The following VWA8 variants were observed in gnomAD, a reference collection of about 807,000 sequenced individuals.
The protein encoded by VWA8 is von Willebrand factor A domain containing 8.
In VWA8, 221 loss-of-function variants were observed where a neutral mutation model predicts 241.5. The observed-to-expected ratio is 0.91, with a 90% CI of 0.82 to 1.02. The LOEUF (loss-of-function observed/expected upper bound fraction) is 1.02, where lower values mean the gene tolerates loss of function less well. VWA8 is among the 50% of genes least tolerant of loss of function. The pLI is 0.00. For missense variants in VWA8, 2,322 were observed against 2,328.7 expected, an observed-to-expected ratio of 1.00 and a Z score of 0.06; for synonymous variants, 852 against 827.1, an observed-to-expected ratio of 1.03 and a Z score of -0.52.
chr13:41,783,804 G>C lies in VWA8; in HGVS notation c.2268C>G (p.Asp756Glu). ...KMKVPDVLFYDNIQHVIVMED... is the reference protein window; with the variant it reads ...KMKVPDVLFYENIQHVIVMED... ...AAAGCAATACTCTTACCTGAATGTT[G>C]TCATAGAAAAGAACATCAGGCACTT... Residue 756 changes from aspartate to glutamate, a missense_variant, in exon 19 of 45, where the codon GAC becomes GAG. By Grantham distance (45) the Asp-to-Glu change is conservative (BLOSUM62 2). Transcript: ENST00000379310. 1 of 1,611,858 alleles carries C rather than the reference G, an allele frequency of 6.2e-7. No homozygotes were observed. The highest frequency in any genetic ancestry group is 8.5e-7 in the Non-Finnish European group (1 of 1,178,526).
At chr13:41,755,418 A>G (rs1305327001) in intron 21 of VWA8, among the ~76,000 whole-genome samples, 4 of 152,018 alleles carry the variant, frequency 2.6e-5, no homozygotes, top group Non-Finnish European at 4.4e-5. Context: ...AAATGAATAG[A>G]TATTTTATTT....
intron 35 of VWA8, among the ~76,000 whole-genome samples, chr13:41,676,941 TG>T (rs1363083332): frequency 2.0e-5 from 3 of 152,144 alleles, no homozygotes; most frequent in African/African-American, 4.8e-5. Flanking sequence ...CCTGTTCTGC[TG>T]TTTTTATGTT....
chr13:41,620,176 C>T (rs750020864), intron 37 of VWA8, among the ~76,000 whole-genome samples: 5 of 152,172 alleles, frequency 3.3e-5, no homozygotes, highest in East Asian at 1.9e-4. Context: ...AGGGATTCAA[C>T]GTCTTCCTGG....
chr13:41,798,457 C>T (rs1313514299), intron 17 of VWA8, among the ~76,000 whole-genome samples: 1 of 152,168 alleles, frequency 6.6e-6, no homozygotes, highest in Non-Finnish European at 1.5e-5. Flanking sequence ...GTTATTTTCT[C>T]TCAACACTTT....
chr13:41,692,315 C>G (rs538277914), intron 30 of VWA8, among the ~76,000 whole-genome samples: 1 of 152,088 alleles, frequency 6.6e-6, no homozygotes, highest in South Asian at 2.1e-4. Context: ...TTTTCATAGT[C>G]TTTTAAGACC....
chr13:41,864,318 A>T (rs141389503), intron 12 of VWA8, among the ~76,000 whole-genome samples: 1 of 152,324 alleles, frequency 6.6e-6, no homozygotes, highest in African/African-American at 2.4e-5. Context: ...TCCTAGGTAT[A>T]TACCTTAAAA....
At chr13:41,760,750 T>C (rs1320493731) in intron 21 of VWA8, among the ~76,000 whole-genome samples, 1 of 151,982 alleles carries the variant, frequency 6.6e-6, no homozygotes, top group Non-Finnish European at 1.5e-5. Flanking sequence ...CCTTATCTCA[T>C]ACCTGAGATT....
Position 41,568,158 on chromosome 13 carries a change from T to A in VWA8, c.*39A>T, listed in dbSNP as rs1353529720. 1 of 1,528,074 alleles carries A rather than the reference T, an allele frequency of 6.5e-7. No homozygotes were observed. The allele number at this position is 1,528,074 out of a possible 1,614,324, so 94.7% of individuals were successfully genotyped here. On this transcript the variant is annotated 3_prime_UTR_variant, in exon 45 of 45. Coordinates refer to ENST00000379310, the MANE Select transcript of VWA8 (RefSeq NM_015058.2). ...AGAATACTCTTTATTCCTGTCTTAT[T>A]TCAAATCCTGGTGTCATCAGGGTGA...
intron 9 of VWA8, among the ~76,000 whole-genome samples, chr13:41,869,556 C>T (rs1191258348): frequency 1.4e-5 from 2 of 144,182 alleles, no homozygotes. Context: ...CCCTTGAACC[C>T]AGAGACAGAG....
chr13:41,871,223 T>G (rs1312656073), intron 9 of VWA8, among the ~76,000 whole-genome samples: 4 of 152,176 alleles, frequency 2.6e-5, no homozygotes, highest in Non-Finnish European at 5.9e-5. Flanking sequence ...AAAATAAGAG[T>G]TTGTTAACTT....
intron 37 of VWA8, among the ~76,000 whole-genome samples, chr13:41,627,625 T>C (rs2044700607): frequency 6.6e-6 from 1 of 152,112 alleles, no homozygotes; most frequent in Non-Finnish European, 1.5e-5. Flanking sequence ...GTGTTGCAAC[T>C]GAGAAGGGCC....
chr13:41,769,411 A>C (rs1312044658), intron 20 of VWA8, among the ~76,000 whole-genome samples: 1 of 152,254 alleles, frequency 6.6e-6, no homozygotes, highest in African/African-American at 2.4e-5. Flanking sequence ...TAGATAAAGC[A>C]AGATAGACAA....
chr13:41,571,071 C>T (rs2044298168), intron 43 of VWA8, among the ~76,000 whole-genome samples: 1 of 152,038 alleles, frequency 6.6e-6, no homozygotes, highest in African/African-American at 2.4e-5. Context: ...AGTTGAGTTT[C>T]CAATAAACAA....
intron 32 of VWA8, 152 bp downstream of exon 32, chr13:41,691,168 A>T (rs2045174331): frequency 3.4e-6 from 3 of 877,348 alleles, no homozygotes; most frequent in South Asian, 8.0e-5. Context: ...CCCCTCCTCA[A>T]TTCTTATAAG....
intron 37 of VWA8, among the ~76,000 whole-genome samples, chr13:41,649,634 G>GT (rs1322601288): frequency 6.7e-6 from 1 of 148,500 alleles, no homozygotes; most frequent in South Asian, 2.2e-4. Flanking sequence ...CAAGTTGATT[G>GT]TTTTTTCATT....
intron 3 of VWA8, among the ~76,000 whole-genome samples, chr13:41,911,170 T>A (rs558977579): frequency 2.0e-3 from 302 of 151,614 alleles, no homozygotes; most frequent in African/African-American, 7.2e-3. Flanking sequence ...TTCAAGCAAT[T>A]CTCCTGCCTC....
intron 40 of VWA8, among the ~76,000 whole-genome samples, chr13:41,596,336 T>C (rs1393371069): frequency 1.3e-5 from 2 of 152,038 alleles, no homozygotes; most frequent in African/African-American, 4.8e-5. Context: ...TGAATGCTCT[T>C]GGGGGCAATG....
At chr13:41,602,774 C>A (rs556927176) in intron 40 of VWA8, among the ~76,000 whole-genome samples, 63 of 152,074 alleles carry the variant, frequency 4.1e-4, no homozygotes, top group Non-Finnish European at 7.8e-4. Context: ...TGTCTGGCTG[C>A]AGAGAATGAC....
chr13:41,855,521 T>C (rs958409409), intron 12 of VWA8, among the ~76,000 whole-genome samples: 4 of 151,540 alleles, frequency 2.6e-5, no homozygotes, highest in African/African-American at 9.7e-5. Context: ...TACTGATACA[T>C]GCAACAACAT....
Sources: allele counts gnomAD v4.1 joint callset (sites outside exome capture counted in the v4.1 genomes callset), GRCh38; gene constraint gnomAD v4.1.1; transcripts MANE v1.5; gene names NCBI Gene and HGNC (gene_info 2026-07-23, HGNC 2026-07-21).